NDRG3: variants seen among roughly 807,000 people sequenced by gnomAD.
The protein encoded by NDRG3 is NDRG family member 3.
NDRG3 carries 23 observed loss-of-function variants against 57.2 expected under a neutral mutation model. The observed-to-expected ratio is 0.40, with a 90% CI of 0.29 to 0.57. NDRG3 has a LOEUF of 0.57. Ranked by LOEUF, NDRG3 falls within the 20% of genes least tolerant of loss-of-function variation. The probability of loss-of-function intolerance (pLI) is 0.42; values close to 1 mark genes in which losing one functional copy is unlikely to be tolerated. For synonymous variants in NDRG3, 132 were observed against 162.6 expected, an observed-to-expected ratio of 0.81 and a Z score of 1.43; for missense variants, 384 against 457.3, an observed-to-expected ratio of 0.84 and a Z score of 1.46.
At chr20:36,710,970 A>ACTCCATC (rs1568659251) in intron 2 of NDRG3, among the ~76,000 whole-genome samples, 1 of 150,382 alleles carries the variant, frequency 6.6e-6, no homozygotes, top group African/African-American at 2.4e-5. Context: ...ACAGAGCAAG[A>ACTCCATC]CTCCATCTCA....
At position 36,656,621 on chromosome 20, in the gene NDRG3, T is replaced by C. The variant is rs989139485; in HGVS notation, c.859-89A>G. ...CCAAGTCCTTTCAAACAGAACAAGA[T>C]TGAATTCTAGGTTTTAATGTTTAAC... On this transcript the variant is annotated intron_variant, in intron 13 of 15. Transcript: ENST00000349004. 19 of 1,432,364 alleles carry C rather than the reference T, an allele frequency of 1.3e-5. No individual in the cohort carries two copies. The African/African-American group carries it at 2.5e-4, about 19-fold the overall frequency. 88.7% of individuals were successfully genotyped at this position (1,432,364 alleles called of 1,614,324 possible). A position where few individuals can be genotyped will look rare whatever the true frequency, so the allele number is the denominator to read the frequency against.
intron 1 of NDRG3, among the ~76,000 whole-genome samples, chr20:36,726,846 A>G (rs554273968): frequency 6.6e-6 from 1 of 152,274 alleles, no homozygotes; most frequent in East Asian, 1.9e-4. Context: ...CTACTCTGTC[A>G]GGAATTATAA....
chr20:36,715,006 G>GTGTGTGTA (rs1984170473), intron 2 of NDRG3, among the ~76,000 whole-genome samples: 1 of 26,724 alleles, frequency 3.7e-5, no homozygotes, highest in African/African-American at 1.3e-4. Flanking sequence ...GTGTGTGTGT[G>GTGTGTGTA]TATATATATA....
chr20:36,738,812 A>G (rs1477269118), intron 1 of NDRG3, among the ~76,000 whole-genome samples: 4 of 140,652 alleles, frequency 2.8e-5, no homozygotes, highest in Non-Finnish European at 6.2e-5. Context: ...CACAGAGTAA[A>G]AAACTGTCTC....
chr20:36,680,828 C>T lies in NDRG3; in HGVS notation c.519G>A (p.Trp173Ter). Residue 173 changes from tryptophan (W) to a stop codon, truncating the protein, a stop_gained, in exon 8 of 16, where the codon TGG becomes TGA. Coordinates refer to ENST00000349004, the MANE Select transcript of NDRG3 (RefSeq NM_032013.4). LOFTEE classifies it high-confidence loss of function. ...VDPCAKGWID[W>*]AASKLSGLTT... ...ATGTGGTACTTACTTTGGAAGCTGCCCAGTCAATCCAGCCTTTAGCGCAAG... is the reference window on the plus strand; with the variant it reads ...ATGTGGTACTTACTTTGGAAGCTGCTCAGTCAATCCAGCCTTTAGCGCAAG... 1 of 1,613,974 alleles carries T rather than the reference C, an allele frequency of 6.2e-7. No homozygotes were observed. The highest frequency in any genetic ancestry group is 1.1e-5 in the South Asian group (1 of 91,072).
At position 36,682,607 on chromosome 20, in the gene NDRG3, A is replaced by G. The variant is rs1266572706; in HGVS notation, c.384-29T>C. The G allele has an allele frequency of 1.9e-6, 3 of 1,597,064 alleles. No homozygotes were observed. In the East Asian group the frequency reaches 6.7e-5, roughly 36 times the overall value. The stretch of plus-strand genomic sequence containing the variant: ...TGAATGGGACATAACGACAACTGAC[A>G]GAGTCAACTTCATTTGCAGGCAGCA... On this transcript the variant is annotated intron_variant, in intron 6 of 15. Transcript: ENST00000349004.
At chr20:36,701,758 G>A (rs1983241881) in intron 3 of NDRG3, among the ~76,000 whole-genome samples, 1 of 151,318 alleles carries the variant, frequency 6.6e-6, no homozygotes, top group African/African-American at 2.4e-5. Context: ...ATGTTGGCCA[G>A]GCTGGTTTCG....
intron 2 of NDRG3, among the ~76,000 whole-genome samples, chr20:36,713,250 A>T (rs1402581317): frequency 6.6e-6 from 1 of 152,244 alleles, no homozygotes; most frequent in African/African-American, 2.4e-5. Context: ...ATTATTACTG[A>T]AAGTTGCAGT....
intron 3 of NDRG3, among the ~76,000 whole-genome samples, chr20:36,702,281 T>C (rs2425259): frequency 0.9 from 136,369 of 151,396 alleles, 61,828 homozygotes; most frequent in African/African-American, 0.98. Context: ...GGACCACAGG[T>C]GCCCGCCACT....
intron 1 of NDRG3, among the ~76,000 whole-genome samples, chr20:36,731,536 G>A (rs113857277): frequency 2.6e-5 from 4 of 152,224 alleles, no homozygotes; most frequent in African/African-American, 7.2e-5. Context: ...GGCCAGGCGC[G>A]ATGGGTCACA....
chr20:36,684,723 C>T lies in NDRG3; in HGVS notation c.321-248G>A, dbSNP rs930505767. Among the ~76,000 whole-genome samples, 10 of 152,046 alleles carry T rather than the reference C, an allele frequency of 6.6e-5. 1 individual carries two copies. On this transcript the variant is annotated intron_variant, in intron 5 of 15. Transcript: ENST00000349004. ...AATTAGCTGGGTGTGGTAGCACATG[C>T]CTGTAATCCCAGAAACTTGGGAGGC...
intron 3 of NDRG3, among the ~76,000 whole-genome samples, chr20:36,702,588 A>G (rs1372543502): frequency 6.6e-6 from 1 of 151,756 alleles, no homozygotes; most frequent in Non-Finnish European, 1.5e-5. Context: ...CAAAGGCTCA[A>G]TCTCAGCTCA....
intron 1 of NDRG3, among the ~76,000 whole-genome samples, chr20:36,734,348 GAA>G (rs1183347328): frequency 1.3e-5 from 2 of 152,202 alleles, no homozygotes; most frequent in South Asian, 2.1e-4. Flanking sequence ...CATCACAGAT[GAA>G]AAGACTGAGA....
intron 8 of NDRG3, among the ~76,000 whole-genome samples, chr20:36,679,734 C>T (rs1049082165): frequency 6.6e-6 from 1 of 151,806 alleles, no homozygotes; most frequent in African/African-American, 2.4e-5. Context: ...GAACTCCTGA[C>T]CTCAGGTGAT....
chr20:36,744,543 TG>T (rs1568680652), intron 1 of NDRG3, among the ~76,000 whole-genome samples: 1 of 151,908 alleles, frequency 6.6e-6, no homozygotes, highest in African/African-American at 2.4e-5. Context: ...TAATTCTAAT[TG>T]GGAAAATCAA....
intron 2 of NDRG3, among the ~76,000 whole-genome samples, chr20:36,712,587 A>ATATATAT (rs57260715): frequency 6.8e-4 from 4 of 5,904 alleles, no homozygotes; most frequent in African/African-American, 1.7e-3. Context: ...ATATATATAT[A>ATATATAT]TTTTTTTTTT....
intron 2 of NDRG3, among the ~76,000 whole-genome samples, chr20:36,711,176 C>T (rs1459696515): frequency 6.8e-6 from 1 of 146,902 alleles, no homozygotes. Context: ...CAGCTACTCA[C>T]GAGGCTGAGG....
At chr20:36,716,164 TTC>T (rs1257568979) in intron 2 of NDRG3, among the ~76,000 whole-genome samples, 6 of 152,186 alleles carry the variant, frequency 3.9e-5, no homozygotes, top group African/African-American at 1.4e-4. Flanking sequence ...CCTCCTCTAG[TTC>T]TAACACCCTC....
intron 3 of NDRG3, among the ~76,000 whole-genome samples, chr20:36,702,687 C>T (rs889090575): frequency 6.6e-6 from 1 of 151,330 alleles, no homozygotes; most frequent in African/African-American, 2.4e-5. Flanking sequence ...CCATGCCCAG[C>T]TAATTTTTTT....
Sources: gnomAD v4.1 joint callset for allele counts (sites outside exome capture counted in the v4.1 genomes callset) on GRCh38, gnomAD v4.1.1 for gene constraint, MANE v1.5 for transcripts, NCBI Gene and HGNC (gene_info 2026-07-23, HGNC 2026-07-21) for gene names.